Variants in SLC2A9 observed in about 807,000 individuals in gnomAD.
SLC2A9 encodes the protein solute carrier family 2 member 9, also known as solute carrier family 2, facilitated glucose transporter member 9.
A neutral mutation model predicts 50.6 loss-of-function variants in SLC2A9; 39 were observed. The ratio of observed to expected loss-of-function variants is 0.77; its 90% CI spans 0.60 to 1.01. The LOEUF (loss-of-function observed/expected upper bound fraction) is 1.01, where lower values mean the gene tolerates loss of function less well. Among genes scored for constraint, SLC2A9 ranks in the 50% least tolerant of loss-of-function variants. The probability of loss-of-function intolerance (pLI) is 0.00; values close to 1 mark genes in which losing one functional copy is unlikely to be tolerated. For synonymous variants in SLC2A9, 324 were observed against 276.9 expected, an observed-to-expected ratio of 1.17 and a Z score of -1.69; for missense variants, 686 against 677.6, an observed-to-expected ratio of 1.01 and a Z score of -0.14.
chr4:9,841,307 A>G (rs1728050153), intron 10 of SLC2A9, among the ~76,000 whole-genome samples: 2 of 151,968 alleles, frequency 1.3e-5, no homozygotes, highest in South Asian at 4.2e-4. Context: ...CCATCTCGTG[A>G]GCGACTTTGT....
chr4:9,827,255 T>G (rs1725299090), intron 11 of SLC2A9, among the ~76,000 whole-genome samples: 1 of 152,250 alleles, frequency 6.6e-6, no homozygotes, highest in East Asian at 1.9e-4. Flanking sequence ...GTAGCTCCTG[T>G]GCCTTATAGG....
rs557664061 is a variant in SLC2A9 at position 9,828,661 on chromosome 4, T to C, written c.1420-2061A>G. The stretch of plus-strand genomic sequence containing the variant: ...AATAATCTTCGTTTAGGCCTCTGTA[T>C]ATCCTGCTTTCTTACTCCTCTTCAT... On this transcript the variant is annotated intron_variant, in intron 11 of 11. Transcript: ENST00000264784. Among the ~76,000 whole-genome samples, 4 of 152,376 alleles carry C rather than the reference T, an allele frequency of 2.6e-5. No individual in the cohort carries two copies. The East Asian group carries it at 7.7e-4, about 29-fold the overall frequency.
intron 10 of SLC2A9, among the ~76,000 whole-genome samples, chr4:9,857,510 A>T (rs1191571207): frequency 6.6e-6 from 1 of 152,116 alleles, no homozygotes; most frequent in Non-Finnish European, 1.5e-5. Context: ...TCCCACATCC[A>T]CCTGCCGGCT....
intron 7 of SLC2A9, among the ~76,000 whole-genome samples, chr4:9,911,418 C>T (rs1049256038): frequency 7.9e-5 from 12 of 152,174 alleles, no homozygotes; most frequent in African/African-American, 2.9e-4. Context: ...CACACTGAAG[C>T]TTATTTGATT....
intron 5 of SLC2A9, among the ~76,000 whole-genome samples, chr4:9,952,002 C>A (rs1352038297): frequency 6.6e-6 from 1 of 152,196 alleles, no homozygotes; most frequent in Non-Finnish European, 1.5e-5. Context: ...CTCCCAATGC[C>A]ACAGAAGCCA....
upstream of SLC2A9, among the ~76,000 whole-genome samples, chr4:10,023,973 G>A (rs934647361): frequency 2.6e-5 from 4 of 152,192 alleles, no homozygotes; most frequent in East Asian, 3.8e-4. Context: ...GCTGGGGCAC[G>A]TTCTGCCTGC....
chr4:9,947,565 C>T (rs1025383741), intron 5 of SLC2A9, among the ~76,000 whole-genome samples: 10 of 152,170 alleles, frequency 6.6e-5, no homozygotes, highest in Non-Finnish European at 1.2e-4. Context: ...CGACCTTTCC[C>T]GAGCAGTTAT....
downstream of SLC2A9, among the ~76,000 whole-genome samples, chr4:9,821,996 T>C (rs1214096200): frequency 2.6e-5 from 4 of 152,242 alleles, no homozygotes; most frequent in African/African-American, 4.8e-5. Flanking sequence ...TCATTTAAAG[T>C]TGTTGAATTT....
chr4:9,927,337 C>T (rs1423710373), intron 6 of SLC2A9, among the ~76,000 whole-genome samples: 2 of 152,198 alleles, frequency 1.3e-5, no homozygotes, highest in African/African-American at 4.8e-5. Flanking sequence ...TGTTGTAAGC[C>T]ACTAACTCAT....
Position 9,880,606 on chromosome 4 carries a change from A to C in SLC2A9, c.1291+6961T>G, listed in dbSNP as rs1226384029. ...TTGGTTAGCAAAGAACTTCAGGCAG[A>C]TATGCAGATGAGTCCAATCTGGCTT... On this transcript the variant is annotated intron_variant, in intron 10 of 11. Coordinates refer to ENST00000264784, the MANE Select transcript of SLC2A9 (RefSeq NM_020041.3). 5 of 979,792 alleles carry C rather than the reference A, an allele frequency of 5.1e-6. No individual in the cohort carries two copies. In the East Asian group the frequency reaches 4.5e-4, roughly 89 times the overall value. The allele number at this position is 979,792 out of a possible 1,614,324, so 60.7% of individuals were successfully genotyped here.
intron 6 of SLC2A9, among the ~76,000 whole-genome samples, chr4:9,926,840 G>A (rs982851746): frequency 6.6e-6 from 1 of 152,080 alleles, no homozygotes; most frequent in Non-Finnish European, 1.5e-5. Context: ...AAGAGACACA[G>A]ATAGATACAC....
intron 11 of SLC2A9, among the ~76,000 whole-genome samples, chr4:9,831,191 G>A (rs1212498158): frequency 6.6e-6 from 1 of 152,124 alleles, no homozygotes; most frequent in Admixed American, 6.6e-5. Flanking sequence ...GTTTCTCTTG[G>A]TGGCTGCTGT....
At chr4:9,883,376 T>C (rs1735580510) in intron 10 of SLC2A9, among the ~76,000 whole-genome samples, 1 of 152,178 alleles carries the variant, frequency 6.6e-6, no homozygotes, top group Non-Finnish European at 1.5e-5. Flanking sequence ...ACAGCATAGA[T>C]TTTTAACACT....
At chr4:9,999,695 T>C (rs1183371854) in intron 2 of SLC2A9, among the ~76,000 whole-genome samples, 1 of 152,084 alleles carries the variant, frequency 6.6e-6, no homozygotes. Context: ...GGTTTTTACT[T>C]GGATTCTACT....
intron 3 of SLC2A9, among the ~76,000 whole-genome samples, chr4:9,809,386 C>T (rs1258197884): frequency 6.6e-6 from 1 of 152,252 alleles, no homozygotes; most frequent in African/African-American, 2.4e-5. Flanking sequence ...TTGGAGCGAA[C>T]AGGGTTGGGC....
At chr4:10,014,561 C>A (rs1762295548) in intron 2 of SLC2A9, among the ~76,000 whole-genome samples, 1 of 152,194 alleles carries the variant, frequency 6.6e-6, no homozygotes. Context: ...CCCCACTGGA[C>A]CCCACATCCA....
At chr4:9,791,617 C>T (rs28407807) in intron 3 of SLC2A9, among the ~76,000 whole-genome samples, 7,349 of 152,118 alleles carry the variant, frequency 0.048, 599 homozygotes, top group African/African-American at 0.17. Context: ...CCAGCAGTCA[C>T]GTTGTGGGTG....
chr4:9,982,380 C>T (rs920796278), intron 4 of SLC2A9, among the ~76,000 whole-genome samples: 14 of 152,142 alleles, frequency 9.2e-5, no homozygotes, highest in African/African-American at 2.4e-4. Flanking sequence ...TCGGAAAGAC[C>T]GAAGTTTTTT....
chr4:9,894,386 C>A (rs1185755708), intron 8 of SLC2A9, among the ~76,000 whole-genome samples: 2 of 152,164 alleles, frequency 1.3e-5, no homozygotes, highest in African/African-American at 4.8e-5. Flanking sequence ...TAAGCTAATA[C>A]ACCCTGGAAA....
Sources: allele counts gnomAD v4.1 joint callset (sites outside exome capture counted in the v4.1 genomes callset), GRCh38; gene constraint gnomAD v4.1.1; transcripts MANE v1.5; gene names NCBI Gene and HGNC (gene_info 2026-07-23, HGNC 2026-07-21).